POLN: variants seen among roughly 807,000 people sequenced by gnomAD.
The protein encoded by POLN is DNA polymerase nu.
POLN carries 108 observed loss-of-function variants against 113.5 expected under a neutral mutation model. The observed-to-expected ratio is 0.95, with a 90% CI of 0.81 to 1.12. POLN has a LOEUF of 1.12. Ranked by LOEUF, POLN falls within the 50% of genes most tolerant of loss-of-function variation. POLN has a pLI of 0.00. For synonymous variants in POLN, 386 were observed against 391.5 expected, an observed-to-expected ratio of 0.99 and a Z score of 0.17; for missense variants, 1,097 against 1,077.1, an observed-to-expected ratio of 1.02 and a Z score of -0.26.
At chr4:2,194,362 C>T (rs967579150) in intron 6 of POLN, among the ~76,000 whole-genome samples, 1 of 152,184 alleles carries the variant, frequency 6.6e-6, no homozygotes, top group African/African-American at 2.4e-5. Flanking sequence ...CTTAGCCAAA[C>T]TGCAGTTAGA....
chr4:2,129,378 G>A (rs1010831146), intron 17 of POLN, 122 bp from the exon 18 acceptor site: 85 of 636,946 alleles, frequency 1.3e-4, no homozygotes, highest in Non-Finnish European at 1.9e-4. Flanking sequence ...AAATTTTTCC[G>A]AATATTTTTA....
intron 21 of POLN, among the ~76,000 whole-genome samples, 187 bp from the exon 22 acceptor site, chr4:2,081,930 G>A (rs1352432696): frequency 1.3e-5 from 2 of 150,696 alleles, no homozygotes; most frequent in East Asian, 3.9e-4. Flanking sequence ...GCGAGGGTCT[G>A]AGCTGGGCAC....
chr4:2,223,269 C>T (rs1190721570), intron 3 of POLN, among the ~76,000 whole-genome samples: 1 of 152,156 alleles, frequency 6.6e-6, no homozygotes, highest in Non-Finnish European at 1.5e-5. Context: ...GAAGTGAGGA[C>T]CAGTACCTGT....
At chr4:2,237,504 G>A (rs569983402) in intron 2 of POLN, among the ~76,000 whole-genome samples, 1 of 151,004 alleles carries the variant, frequency 6.6e-6, no homozygotes, top group East Asian at 1.9e-4. Context: ...GAGGAAGGAA[G>A]GGAAAGGAAG....
chr4:2,097,355 ATT>A (rs781235839), intron 19 of POLN, among the ~76,000 whole-genome samples: 3 of 144,640 alleles, frequency 2.1e-5, no homozygotes, highest in Admixed American at 6.9e-5. Flanking sequence ...CTCTCCTACC[ATT>A]TTTTTTTTTT....
At chr4:2,156,529 C>A (rs1318765147) in intron 16 of POLN, 3 of 568,804 alleles carry the variant, frequency 5.3e-6, no homozygotes, top group Non-Finnish European at 9.7e-6. Flanking sequence ...TACGGGTGTC[C>A]TTTTTGCCTG....
In POLN at chr4:2,213,123, A is replaced by G; in HGVS notation, c.137T>C (p.Met46Thr). The G allele has an allele frequency of 6.3e-7, 1 of 1,589,890 alleles. No homozygotes were observed. Among genetic ancestry groups the G allele is most frequent in the South Asian group, 1.2e-5 (1 of 86,182 alleles). The change falls in exon 4 of 26, where the codon ATG becomes ACG. Residue 46 changes from methionine (M) to threonine (T), a missense_variant. Met to Thr is a moderately conservative substitution (Grantham distance 81). Transcript: ENST00000511885. The part of the protein sequence containing the change: ...SKTWGKSTET[M>T]EVINKSSVKY... Reference sequence around the variant, plus strand: ...AACACTGGACTTGTTTATCACTTCCATAGCTTTTAAAAACAACAAAAAAGA... The same window carrying G: ...AACACTGGACTTGTTTATCACTTCCGTAGCTTTTAAAAACAACAAAAAAGA...
At position 2,220,216 on chromosome 4, in the gene POLN, C is replaced by T. The variant is rs191605635; in HGVS notation, c.134-7090G>A. Among the ~76,000 whole-genome samples, 334 of 152,292 alleles carry T rather than the reference C, an allele frequency of 2.2e-3. 3 individuals are homozygous for T. Among genetic ancestry groups the T allele is most frequent in the African/African-American group, 7.6e-3 (317 of 41,552 alleles). On this transcript the variant is annotated intron_variant, in intron 3 of 25. Transcript: ENST00000511885. ...CCGTCAGCAGAGGGTGCTAGAGGGA[C>T]GCTGTCAGAGATGAGGCCTCTGCTG...
intron 20 of POLN, among the ~76,000 whole-genome samples, chr4:2,095,249 G>C (rs1409562501): frequency 6.6e-6 from 1 of 152,128 alleles, no homozygotes; most frequent in Non-Finnish European, 1.5e-5. Context: ...GGGGAGGGGA[G>C]GGAGAGGCTT....
chr4:2,178,977 T>C (rs1328672103), intron 8 of POLN, among the ~76,000 whole-genome samples: 3 of 152,150 alleles, frequency 2.0e-5, no homozygotes, highest in Non-Finnish European at 4.4e-5. Context: ...CCAGGACCTC[T>C]GGCACTGTGG....
intron 16 of POLN, among the ~76,000 whole-genome samples, chr4:2,153,381 G>A (rs1472731755): frequency 6.6e-6 from 1 of 152,092 alleles, no homozygotes. Context: ...GTAGGTGTGA[G>A]AGAAGTGTCT....
At chr4:2,075,670 G>A in intron 23 of POLN, 151 bp from the exon 24 acceptor site, 2 of 772,106 alleles carry the variant, frequency 2.6e-6, no homozygotes, top group Non-Finnish European at 4.2e-6. Context: ...CATCCCCAAG[G>A]TTTCTGAAAG....
At chr4:2,196,694 T>C (rs539394874) in intron 6 of POLN, among the ~76,000 whole-genome samples, 83 of 150,794 alleles carry the variant, frequency 5.5e-4, no homozygotes, top group African/African-American at 1.9e-3. Flanking sequence ...AAACAATAGA[T>C]TGGGAATTTC....
At chr4:2,134,697 T>G (rs972151170) in intron 16 of POLN, among the ~76,000 whole-genome samples, 1 of 152,192 alleles carries the variant, frequency 6.6e-6, no homozygotes, top group African/African-American at 2.4e-5. Context: ...TCTAGCTCCC[T>G]AATTAAGCAG....
chr4:2,149,816 A>T (rs1201143801), intron 16 of POLN, among the ~76,000 whole-genome samples: 2 of 151,744 alleles, frequency 1.3e-5, no homozygotes, highest in African/African-American at 4.8e-5. Context: ...GGGCGCGTTG[A>T]CTCACACCTG....
intron 5 of POLN, 115 bp downstream of exon 5, chr4:2,207,872 G>T: frequency 8.4e-7 from 1 of 1,187,346 alleles, no homozygotes; most frequent in East Asian, 2.4e-5. Context: ...ACCACTGGAG[G>T]GGAAGGAAAG....
In POLN at chr4:2,156,470, G is replaced by A. The variant is rs1208315496; in HGVS notation, c.1731+318C>T. 2.0e-5 allele frequency: 10 copies of A among 509,250 alleles called. No individual in the cohort carries two copies. The East Asian group carries it at 4.7e-4, about 24-fold the overall frequency. 31.5% of individuals were successfully genotyped at this position (509,250 alleles called of 1,614,324 possible). On this transcript the variant is annotated intron_variant, in intron 16 of 25. Transcript: ENST00000511885. Reference sequence around the variant, plus strand: ...GCATCAGATACTTCAACACATTTCTGGAAATCAGAAGCCACCTGTCTGGCA... The same window carrying A: ...GCATCAGATACTTCAACACATTTCTAGAAATCAGAAGCCACCTGTCTGGCA...
chr4:2,162,088 C>G (rs567709593), intron 13 of POLN, among the ~76,000 whole-genome samples: 1 of 152,146 alleles, frequency 6.6e-6, no homozygotes, highest in African/African-American at 2.4e-5. Flanking sequence ...GCAGGCTGCC[C>G]GAGCCAGCAG....
rs370328193 is a variant in POLN at position 2,233,850 on chromosome 4, A to G, written c.-12-4607T>C. 3.1e-3 allele frequency among the ~76,000 whole-genome samples: 465 copies of G among 152,330 alleles called. 5 individuals are homozygous for G. Among genetic ancestry groups the G allele is most frequent in the African/African-American group, 0.011 (450 of 41,580 alleles). On this transcript the variant is annotated intron_variant, in intron 2 of 25. Coordinates refer to ENST00000511885, the MANE Select transcript of POLN (RefSeq NM_181808.4). ...GCGTGCCATATGGTCAATGGTGTCT[A>G]GTAGACACTTATATAGTGCTGGTAG... is the stretch of plus-strand genomic sequence containing the variant.
Sources: allele counts gnomAD v4.1 joint callset (sites outside exome capture counted in the v4.1 genomes callset), GRCh38; gene constraint gnomAD v4.1.1; transcripts MANE v1.5; gene names NCBI Gene and HGNC (gene_info 2026-07-23, HGNC 2026-07-21).